Variants in ZNF365 observed in about 807,000 individuals in gnomAD.
ZNF365 encodes the protein zinc finger protein 365.
A neutral mutation model predicts 35.0 loss-of-function variants in ZNF365; 22 were observed. The observed-to-expected ratio is 0.63, with a 90% CI of 0.45 to 0.90. The LOEUF is 0.90. Among genes scored for constraint, ZNF365 ranks in the 40% least tolerant of loss-of-function variants. The pLI, the probability that ZNF365 is intolerant of heterozygous loss-of-function variation, is 0.00. For synonymous variants in ZNF365, 188 were observed against 196.2 expected (o/e 0.96, Z 0.35); for missense variants, 448 against 500.3 (o/e 0.90, Z 1.00).
At chr10:62,438,554 A>G (rs541908410) in intron 3 of ZNF365, among the ~76,000 whole-genome samples, 1 of 152,270 alleles carries the variant, frequency 6.6e-6, no homozygotes, top group South Asian at 2.1e-4. Context: ...ACATAAAGTA[A>G]TTTTGAGTGT....
At chr10:62,377,994 T>C (rs904666420) in intron 2 of ZNF365, among the ~76,000 whole-genome samples, 1 of 152,266 alleles carries the variant, frequency 6.6e-6, no homozygotes, top group Non-Finnish European at 1.5e-5. Flanking sequence ...AGATCATTAC[T>C]TGCTATCACT....
intron 2 of ZNF365, among the ~76,000 whole-genome samples, chr10:62,385,354 T>C (rs1466104405): frequency 6.6e-6 from 1 of 152,302 alleles, no homozygotes; most frequent in Admixed American, 6.5e-5. Context: ...CAGGAGCGTA[T>C]TAAAATTAAT....
intron 3 of ZNF365, among the ~76,000 whole-genome samples, chr10:62,395,918 G>A (rs2132425456): frequency 6.6e-6 from 1 of 152,184 alleles, no homozygotes; most frequent in East Asian, 1.9e-4. Flanking sequence ...CTGGGACCTT[G>A]ATCAAAGGCT....
intron 4 of ZNF365, among the ~76,000 whole-genome samples, chr10:62,473,258 C>G (rs921554872): frequency 2.0e-5 from 3 of 152,126 alleles, no homozygotes; most frequent in African/African-American, 7.2e-5. Context: ...CGAGTGGGAC[C>G]TGAGAGAATA....
chr10:62,407,576 TC>T (rs1391167130), intron 3 of ZNF365, among the ~76,000 whole-genome samples: 2 of 109,036 alleles, frequency 1.8e-5, no homozygotes, highest in African/African-American at 1.2e-4. Flanking sequence ...GATTTGAGGG[TC>T]TCCTCTCCTC....
intron 3 of ZNF365, among the ~76,000 whole-genome samples, chr10:62,409,048 G>A (rs75354070): frequency 0.019 from 2,845 of 152,124 alleles, 84 homozygotes; most frequent in African/African-American, 0.065. Context: ...AATGGGGTAG[G>A]GCCATCTCCT....
intron 3 of ZNF365, among the ~76,000 whole-genome samples, chr10:62,444,347 A>G (rs1288995321): frequency 1.3e-5 from 2 of 152,206 alleles, no homozygotes; most frequent in East Asian, 1.9e-4. Context: ...AGGTCAGTGT[A>G]TAACTTCTGA....
rs181250421 is a variant in ZNF365 at position 62,413,799 on chromosome 10, G to A, written c.924+25223G>A. Reference sequence around the variant, plus strand: ...TTTTTAACCAGAAATAAGAGGAGGAGCCATCCAATATACAAATATTGGCCC... The same window carrying A: ...TTTTTAACCAGAAATAAGAGGAGGAACCATCCAATATACAAATATTGGCCC... On this transcript the variant is annotated intron_variant, in intron 3 of 4. Transcript: ENST00000395255. Among the ~76,000 whole-genome samples the A allele has an allele frequency of 7.9e-5, 12 of 152,234 alleles. No homozygotes were observed. The East Asian group carries it at 1.4e-3, about 17-fold the overall frequency.
At chr10:62,413,085 A>G (rs1840011755) in intron 3 of ZNF365, among the ~76,000 whole-genome samples, 1 of 152,202 alleles carries the variant, frequency 6.6e-6, no homozygotes, top group Non-Finnish European at 1.5e-5. Context: ...TAAAACCCTG[A>G]TGGGTATCAC....
chr10:62,413,823 C>A (rs924168427), intron 3 of ZNF365, among the ~76,000 whole-genome samples: 1 of 152,006 alleles, frequency 6.6e-6, no homozygotes, highest in African/African-American at 2.4e-5. Context: ...AAATATTGGC[C>A]CTCTCTTCAC....
intron 3 of ZNF365, among the ~76,000 whole-genome samples, chr10:62,418,286 G>T (rs962866022): frequency 1.3e-5 from 2 of 152,056 alleles, no homozygotes; most frequent in East Asian, 3.9e-4. Context: ...CAAAAAATAG[G>T]CTGGTTAGAA....
chr10:62,375,906 C>T (rs1262608445), intron 1 of ZNF365: 1 of 345,574 alleles, frequency 2.9e-6, no homozygotes. Context: ...AATATTTTAG[C>T]TTTTAGGAGC....
chr10:62,452,509 A>C (rs980598314), intron 3 of ZNF365, among the ~76,000 whole-genome samples: 2 of 152,256 alleles, frequency 1.3e-5, no homozygotes, highest in African/African-American at 4.8e-5. Context: ...TGGAGTACAC[A>C]GCAGTCTCTT....
intron 3 of ZNF365, among the ~76,000 whole-genome samples, chr10:62,421,660 G>C (rs1397080351): frequency 6.6e-6 from 1 of 152,184 alleles, no homozygotes; most frequent in Non-Finnish European, 1.5e-5. Context: ...TATGCAAGAA[G>C]TCCTTGGGAT....
At chr10:62,460,810 G>T (rs1840835570) in intron 4 of ZNF365, among the ~76,000 whole-genome samples, 1 of 152,116 alleles carries the variant, frequency 6.6e-6, no homozygotes, top group African/African-American at 2.4e-5. Context: ...GCTAAATTCT[G>T]GGGCAGCATT....
downstream of ZNF365, among the ~76,000 whole-genome samples, chr10:62,407,236 C>T (rs1839918859): frequency 2.0e-5 from 3 of 152,194 alleles, no homozygotes; most frequent in Non-Finnish European, 1.5e-5. Flanking sequence ...TCAGCTTGCC[C>T]TCTGACCTGC....
At chr10:62,464,283 G>T (rs574667291) in intron 4 of ZNF365, among the ~76,000 whole-genome samples, 1 of 152,200 alleles carries the variant, frequency 6.6e-6, no homozygotes, top group Non-Finnish European at 1.5e-5. Flanking sequence ...TTCCTGCTAT[G>T]ATCTCCCATA....
chr10:62,459,682 C>T, intron 3 of ZNF365: 1 of 1,540,030 alleles, frequency 6.5e-7, no homozygotes, highest in South Asian at 1.2e-5. Context: ...CTTGCTGTGA[C>T]TTATTCAGTC....
At chr10:62,455,109 G>T (rs1840742263) in intron 3 of ZNF365, among the ~76,000 whole-genome samples, 2 of 152,190 alleles carry the variant, frequency 1.3e-5, no homozygotes, top group African/African-American at 2.4e-5. Flanking sequence ...CTTGGACTGG[G>T]CAGTTAACTT....
Sources: gnomAD v4.1 joint callset for allele counts (sites outside exome capture counted in the v4.1 genomes callset) on GRCh38, gnomAD v4.1.1 for gene constraint, MANE v1.5 for transcripts, NCBI Gene and HGNC (gene_info 2026-07-23, HGNC 2026-07-21) for gene names.